Variants in SEC14L1 observed in about 807,000 individuals in gnomAD.
The protein encoded by SEC14L1 is SEC14-like protein 1.
Under a neutral mutation model 85.3 loss-of-function variants are expected in SEC14L1, and 48 were observed. The ratio of observed to expected loss-of-function variants is 0.56; its 90% confidence interval spans 0.45 to 0.72. The LOEUF is 0.72. SEC14L1 is among the 30% of genes least tolerant of loss of function. The pLI is 0.00. For missense variants in SEC14L1, 682 were observed against 921.4 expected (o/e 0.74, Z 3.36); for synonymous variants, 391 against 355.5 (o/e 1.10, Z -1.12).
At chr17:77,204,987 G>A (rs1427353126) in intron 10 of SEC14L1, among the ~76,000 whole-genome samples, 1 of 152,184 alleles carries the variant, frequency 6.6e-6, no homozygotes. Context: ...TCTGAAGACA[G>A]AGCCCCAGAG....
chr17:77,197,630 T>A (rs986981309), intron 8 of SEC14L1, among the ~76,000 whole-genome samples: 10 of 151,646 alleles, frequency 6.6e-5, no homozygotes, highest in Admixed American at 6.0e-4. Flanking sequence ...TTTTTTTTTT[T>A]ATATATGTAT....
At chr17:77,168,920 T>C (rs868482950) in intron 3 of SEC14L1, among the ~76,000 whole-genome samples, 1 of 151,912 alleles carries the variant, frequency 6.6e-6, no homozygotes, top group Admixed American at 6.6e-5. Context: ...GCTATTTGGT[T>C]TCGGGGTTTA....
At chr17:77,126,964 TC>T (rs71158101) in intron 3 of SEC14L1, among the ~76,000 whole-genome samples, 77 of 149,814 alleles carry the variant, frequency 5.1e-4, no homozygotes, top group African/African-American at 1.6e-3. Context: ...TTCTTTTTTT[TC>T]TCTCTCTCTT....
chr17:77,203,258 C>G (rs1287879931), intron 9 of SEC14L1, among the ~76,000 whole-genome samples: 1 of 152,178 alleles, frequency 6.6e-6, no homozygotes, highest in East Asian at 1.9e-4. Flanking sequence ...AGACTGAGCC[C>G]AGCACTTATG....
intron 3 of SEC14L1, 72 bp downstream of exon 3, chr17:77,143,731 T>A: frequency 8.9e-7 from 1 of 1,126,226 alleles, no homozygotes; most frequent in Non-Finnish European, 1.3e-6. Flanking sequence ...TTTGATGATC[T>A]ATAGATTTAT....
intron 14 of SEC14L1, chr17:77,211,120 TCAGTGGTGAGGTGG>T (rs1405836801): frequency 6.6e-6 from 1 of 152,346 alleles, no homozygotes; most frequent in Non-Finnish European, 1.5e-5. Flanking sequence ...AAGTGGCGTT[TCAGTGGTGAGGTGG>T]CAGTGGTGGG....
intron 3 of SEC14L1, among the ~76,000 whole-genome samples, chr17:77,170,024 TC>T (rs1453761096): frequency 6.6e-6 from 1 of 152,192 alleles, no homozygotes; most frequent in African/African-American, 2.4e-5. Flanking sequence ...AAAAGTCAGT[TC>T]TGTAGGCAGT....
intron 3 of SEC14L1, among the ~76,000 whole-genome samples, chr17:77,119,373 G>A (rs1972246981): frequency 2.6e-5 from 4 of 151,552 alleles, no homozygotes; most frequent in Admixed American, 6.6e-5. Flanking sequence ...GATTACGGGC[G>A]AATTCCAGAC....
rs1042963527 is a variant in SEC14L1, at chr17:77,206,488, C to G, written c.1341+88C>G. 7.0e-7 allele frequency: 1 copy of G among 1,428,808 alleles called. No homozygotes were observed. Among genetic ancestry groups the G allele is most frequent in the Non-Finnish European group, 9.5e-7 (1 of 1,053,274 alleles). 88.5% of individuals were successfully genotyped at this position (1,428,808 alleles called of 1,614,324 possible). Reference sequence around the variant, plus strand: ...TATACACGTGTCTGTGACCTAAAGTCTTAACTTCTTAGGAAAAAAAACAAT... The same window carrying G: ...TATACACGTGTCTGTGACCTAAAGTGTTAACTTCTTAGGAAAAAAAACAAT... On this transcript the variant is annotated intron_variant, in intron 12 of 16. Transcript: ENST00000436233. This position sits in a 1 kb window ranked among gnomAD's most constrained non-coding sequence, Gnocchi z 4.3.
At chr17:77,198,755 G>A (rs1429035614) in intron 8 of SEC14L1, among the ~76,000 whole-genome samples, 2 of 151,952 alleles carry the variant, frequency 1.3e-5, no homozygotes, top group Admixed American at 6.6e-5. Flanking sequence ...TGTATTTTTA[G>A]TAGAGATGGG....
chr17:77,151,334 G>C (rs1396834601), intron 3 of SEC14L1, among the ~76,000 whole-genome samples: 1 of 152,134 alleles, frequency 6.6e-6, no homozygotes, highest in Non-Finnish European at 1.5e-5. Context: ...GGTGTAATTA[G>C]TCAGATTTAG....
chr17:77,169,729 C>T (rs1325942338), intron 3 of SEC14L1, among the ~76,000 whole-genome samples: 1 of 152,114 alleles, frequency 6.6e-6, no homozygotes, highest in Non-Finnish European at 1.5e-5. Context: ...AAGTGCATTT[C>T]AAAGGATCCT....
chr17:77,136,090 T>G (rs1972789356), upstream of SEC14L1, among the ~76,000 whole-genome samples: 1 of 151,960 alleles, frequency 6.6e-6, no homozygotes, highest in Non-Finnish European at 1.5e-5. Flanking sequence ...TTAGCCAGGA[T>G]GGTTTCGATC....
At chr17:77,211,913 C>A in intron 14 of SEC14L1, 37 bp from the exon 15 acceptor site, 1 of 1,605,624 alleles carries the variant, frequency 6.2e-7, no homozygotes. Flanking sequence ...GCCTGGTGCT[C>A]GTGGATCGTG....
In SEC14L1 at chr17:77,214,023, G is replaced by A; in HGVS notation, c.2148G>A (p.Ter716=). The part of the protein sequence containing the change: ...QSHSSSMISR[*] ...ACTCCAGCTCCATGATCTCCAGGTA[G>A]TGCCGCGCTGCCTGCACCTAGTGTG... The change falls in exon 17 of 17, where the codon TAG becomes TAA. Residue 716 remains the stop codon, a stop_retained_variant. Transcript: ENST00000436233. 1 of 1,611,950 alleles carries A rather than the reference G, an allele frequency of 6.2e-7. No individual in the cohort carries two copies. Among genetic ancestry groups the A allele is most frequent in the South Asian group, 1.1e-5 (1 of 90,984 alleles).
chr17:77,089,099 G>T (rs1234910622), intron 1 of SEC14L1: 3 of 258,532 alleles, frequency 1.2e-5, no homozygotes, highest in African/African-American at 2.3e-5. Flanking sequence ...AGTGTGGTAA[G>T]CGTCGAATGA....
intron 3 of SEC14L1, among the ~76,000 whole-genome samples, chr17:77,118,493 C>T (rs1185943385): frequency 6.6e-6 from 1 of 152,148 alleles, no homozygotes; most frequent in Non-Finnish European, 1.5e-5. Context: ...TAGTCTCCAC[C>T]GAGTGGAGGA....
chr17:77,214,187 T>C lies in SEC14L1; in HGVS notation c.*164T>C. ...TAGTCGTTTGATCCCAAAACTACCT[T>C]GGCAGGTAGTTTTAACTCTGATCCT... On this transcript the variant is annotated 3_prime_UTR_variant, in exon 17 of 17. Coordinates refer to ENST00000436233, the MANE Select transcript of SEC14L1 (RefSeq NM_001143998.2). 2.8e-6 allele frequency: 4 copies of C among 1,414,820 alleles called. No homozygotes were observed. The Admixed American group carries it at 1.3e-4, about 45-fold the overall frequency. 87.6% of individuals were successfully genotyped at this position (1,414,820 alleles called of 1,614,324 possible). A position where few individuals can be genotyped will look rare whatever the true frequency, so the allele number is the denominator to read the frequency against.
At chr17:77,115,446 A>T (rs1190017701) in intron 3 of SEC14L1, among the ~76,000 whole-genome samples, 2 of 151,622 alleles carry the variant, frequency 1.3e-5, no homozygotes, top group Admixed American at 1.3e-4. Flanking sequence ...ATAAATAAAT[A>T]AAAAAGCTGC....
Sources: gnomAD v4.1 joint callset for allele counts (sites outside exome capture counted in the v4.1 genomes callset) on GRCh38, gnomAD v4.1.1 for gene constraint, Gnocchi (gnomAD v3.1) non-coding constraint, MANE v1.5 for transcripts, NCBI Gene and HGNC (gene_info 2026-07-23, HGNC 2026-07-21) for gene names.